IL22RA1: variants seen among roughly 807,000 people sequenced by gnomAD.
IL22RA1 encodes the protein interleukin 22 receptor subunit alpha 1.
In IL22RA1, 25 loss-of-function variants were observed where a neutral mutation model predicts 32.8. The observed-to-expected ratio is 0.76, with a 90% CI of 0.55 to 1.06. The LOEUF (loss-of-function observed/expected upper bound fraction) is 1.06, where lower values mean the gene tolerates loss of function less well. Ranked by LOEUF, IL22RA1 falls within the 50% of genes least tolerant of loss-of-function variation. The pLI, the probability that IL22RA1 is intolerant of heterozygous loss-of-function variation, is 0.00. For synonymous variants in IL22RA1, 305 were observed against 305.0 expected, an observed-to-expected ratio of 1.00 and a Z score of 0.00; for missense variants, 709 against 727.4, an observed-to-expected ratio of 0.97 and a Z score of 0.29.
intron 4 of IL22RA1, among the ~76,000 whole-genome samples, chr1:24,130,084 T>C (rs1644194736): frequency 6.6e-6 from 1 of 152,206 alleles, no homozygotes; most frequent in African/African-American, 2.4e-5. Context: ...ATAACAACTA[T>C]AAATTCTAAG....
intron 1 of IL22RA1, among the ~76,000 whole-genome samples, chr1:24,142,645 C>A (rs1054866439): frequency 1.3e-5 from 2 of 152,216 alleles, no homozygotes; most frequent in African/African-American, 4.8e-5. Context: ...CCTCCCCTGT[C>A]AGGCCAGTGC....
chr1:24,125,956 TAG>T (rs1644158434), intron 5 of IL22RA1, among the ~76,000 whole-genome samples: 1 of 152,192 alleles, frequency 6.6e-6, no homozygotes, highest in Admixed American at 6.5e-5. Context: ...ATAAAAGCTA[TAG>T]TCTTAGGAAA....
chr1:24,134,943 A>C (rs1644232355), intron 3 of IL22RA1: 1 of 465,924 alleles, frequency 2.1e-6, no homozygotes, highest in Non-Finnish European at 2.8e-6. Context: ...CTTCCTGCCA[A>C]AATGTATATA....
chr1:24,129,236 A>G (rs1373404244), intron 4 of IL22RA1, among the ~76,000 whole-genome samples: 1 of 152,040 alleles, frequency 6.6e-6, no homozygotes, highest in Non-Finnish European at 1.5e-5. Flanking sequence ...CTCTTCAACC[A>G]TTTCCTTCTC....
intron 5 of IL22RA1, chr1:24,123,659 C>T (rs1644142185): frequency 1.0e-6 from 1 of 954,850 alleles, no homozygotes; most frequent in Non-Finnish European, 1.4e-6. Context: ...GAGGTTTCCA[C>T]CTTAACAAAA....
intron 4 of IL22RA1, among the ~76,000 whole-genome samples, chr1:24,131,849 C>T (rs1016449545): frequency 1.3e-5 from 2 of 152,152 alleles, no homozygotes; most frequent in African/African-American, 4.8e-5. Flanking sequence ...TTCACCAGGA[C>T]AGGCCATAGG....
rs879146637 is a variant in IL22RA1, at chr1:24,120,979, G to A, written c.1551C>T (p.Ser517=). ...HPMSLPLQPP[S]RPCSPSDQGP... is the part of the protein sequence containing the mutation. ...CTTGGTCCGAGGGGGAACATGGACGGGAAGGAGGTTGCAAAGGGAGGGACA... is the reference window on the plus strand; with the variant it reads ...CTTGGTCCGAGGGGGAACATGGACGAGAAGGAGGTTGCAAAGGGAGGGACA... The change falls in exon 7 of 7, where the codon TCC becomes TCT. Residue 517 remains serine, a synonymous_variant. Coordinates refer to ENST00000270800, the MANE Select transcript of IL22RA1 (RefSeq NM_021258.4). 6 of 1,614,034 alleles carry A rather than the reference G, an allele frequency of 3.7e-6. No individual in the cohort carries two copies. Among genetic ancestry groups the A allele is most frequent in the East Asian group, 2.2e-5 (1 of 44,890 alleles).
At chr1:24,130,622 A>G (rs1644197956) in intron 4 of IL22RA1, among the ~76,000 whole-genome samples, 1 of 152,272 alleles carries the variant, frequency 6.6e-6, no homozygotes, top group Non-Finnish European at 1.5e-5. Flanking sequence ...TGTTAGACAT[A>G]CAAAGAAAGA....
intron 1 of IL22RA1, 48 bp from the exon 2 acceptor site, chr1:24,138,762 C>G: frequency 6.9e-6 from 11 of 1,600,102 alleles, no homozygotes; most frequent in South Asian, 2.2e-5. Context: ...CCAGGGTCAC[C>G]CTGCCCATGT....
chr1:24,141,186 C>G (rs139024416), intron 1 of IL22RA1, among the ~76,000 whole-genome samples: 1 of 152,172 alleles, frequency 6.6e-6, no homozygotes, highest in Non-Finnish European at 1.5e-5. Context: ...CGCAAGGTGA[C>G]GGCTGTGCCG....
chr1:24,136,620 A>G (rs1644244242), intron 3 of IL22RA1, among the ~76,000 whole-genome samples: 1 of 152,316 alleles, frequency 6.6e-6, no homozygotes, highest in African/African-American at 2.4e-5. Context: ...GGACTGTCAG[A>G]AGCTTGGCTG....
In IL22RA1 at chr1:24,120,971, C is replaced by T. The variant is rs1644115711; in HGVS notation, c.1559G>A (p.Cys520Tyr). 3.7e-6 allele frequency: 6 copies of T among 1,614,090 alleles called. No individual in the cohort carries two copies. Among genetic ancestry groups the T allele is most frequent in the Non-Finnish European group, 5.1e-6 (6 of 1,179,976 alleles). ...ACTTGGACCTTGGTCCGAGGGGGAA[C>T]ATGGACGGGAAGGAGGTTGCAAAGG... Reference protein sequence around the residue: ...SLPLQPPSRPCSPSDQGPSPW... With the variant: ...SLPLQPPSRPYSPSDQGPSPW... The change falls in exon 7 of 7, where the codon TGT becomes TAT. Residue 520 changes from cysteine to tyrosine, a missense_variant. Physicochemically the swap from Cys to Tyr is radical, Grantham distance 194 (BLOSUM62 -2). Coordinates refer to ENST00000270800, the MANE Select transcript of IL22RA1 (RefSeq NM_021258.4).
At chr1:24,129,818 T>C (rs1195805080) in intron 4 of IL22RA1, among the ~76,000 whole-genome samples, 4 of 152,204 alleles carry the variant, frequency 2.6e-5, no homozygotes, top group Non-Finnish European at 5.9e-5. Flanking sequence ...ACTTATTGTT[T>C]TGTGGAACTC....
Position 24,128,973 on chromosome 1 carries a change from A to G in IL22RA1, c.532-694T>C, listed in dbSNP as rs181239447. On this transcript the variant is annotated intron_variant, in intron 4 of 6. Transcript: ENST00000270800. ...GTCTCTGCAGCCCACCTGGCTCTGC[A>G]GGCTCATCAATGCTGGATACCTGCC... Among the ~76,000 whole-genome samples, 527 of 152,292 alleles carry G rather than the reference A, an allele frequency of 3.5e-3. 3 individuals are homozygous for G. Among genetic ancestry groups the G allele is most frequent in the African/African-American group, 0.011 (466 of 41,554 alleles).
At position 24,134,359 on chromosome 1, in the gene IL22RA1, CA is replaced by C; in HGVS notation, c.382del (p.Cys128ValfsTer5). ...CTGAATCGATCTCACTTTGGAGATA[CA>C]GGTCACATCAGGTGGCTTGAGGGTA... Reference protein sequence around the residue: ...HTTLKPPDVTCISKVRSIQMI... With the variant: ...HTTLKPPDVTXISKVRSIQMI... On this transcript the variant is annotated frameshift_variant, in exon 4 of 7. Transcript: ENST00000270800. LOFTEE classifies it high-confidence loss of function. 2 of 1,549,480 alleles carry C rather than the reference CA, an allele frequency of 1.3e-6. No homozygotes were observed. Among genetic ancestry groups the C allele is most frequent in the Non-Finnish European group, 1.7e-6 (2 of 1,145,332 alleles).
chr1:24,135,788 A>G (rs1302392403), intron 3 of IL22RA1, among the ~76,000 whole-genome samples: 1 of 152,164 alleles, frequency 6.6e-6, no homozygotes, highest in African/African-American at 2.4e-5. Context: ...CGTACCCACT[A>G]TCATGAGAAT....
In IL22RA1 at chr1:24,138,704, A is replaced by C; in HGVS notation, c.54T>G (p.Pro18=). ...GCTGGAGCAGATCCGAGGGGTCCTC[A>C]GGGGCGTGAGCTGCAGGAGGGTGGG... ...LTVGSLAAHA[P]EDPSDLLQHV... is the part of the protein sequence containing the mutation. Residue 18 remains proline (P), a synonymous_variant, in exon 2 of 7, where the codon CCT becomes CCG. Transcript: ENST00000270800. The C allele has an allele frequency of 6.2e-7, 1 of 1,614,028 alleles. No individual in the cohort carries two copies. The highest frequency in any genetic ancestry group is 8.5e-7 in the Non-Finnish European group (1 of 1,179,960).
chr1:24,122,415 G>A (rs188443511), intron 6 of IL22RA1, among the ~76,000 whole-genome samples: 1 of 152,020 alleles, frequency 6.6e-6, no homozygotes, highest in African/African-American at 2.4e-5. Context: ...GTGGGGGGTG[G>A]TTCTGGTCTT....
intron 1 of IL22RA1, among the ~76,000 whole-genome samples, chr1:24,140,157 G>A (rs1000518767): frequency 6.6e-6 from 1 of 152,222 alleles, no homozygotes; most frequent in African/African-American, 2.4e-5. Context: ...AAATCCTCAC[G>A]ACAACGTGCC....
Sources: allele counts gnomAD v4.1 joint callset (sites outside exome capture counted in the v4.1 genomes callset), GRCh38; gene constraint gnomAD v4.1.1; transcripts MANE v1.5; gene names NCBI Gene and HGNC (gene_info 2026-07-23, HGNC 2026-07-21).